MAOA: variants seen among roughly 807,000 people sequenced by gnomAD.
MAOA encodes the protein monoamine oxidase A.
A neutral mutation model predicts 42.0 loss-of-function variants in MAOA; 6 were observed. The observed-to-expected ratio is 0.14, with a 90% CI of 0.08 to 0.28. MAOA has a LOEUF of 0.28. Ranked by LOEUF, MAOA falls within the 10% of genes least tolerant of loss-of-function variation. The probability of loss-of-function intolerance (pLI) is 1.00; values close to 1 mark genes in which losing one functional copy is unlikely to be tolerated. For synonymous variants in MAOA, 140 were observed against 154.0 expected (o/e 0.91, Z 0.67); for missense variants, 262 against 422.3 (o/e 0.62, Z 3.33).
chrX:43,687,760 C>T (rs2033498562), intron 2 of MAOA, among the ~76,000 whole-genome samples: 1 of 112,526 alleles, frequency 8.9e-6, no homozygotes, highest in South Asian at 3.6e-4. Context: ...TCCAGCTGCC[C>T]ATGTTAGAAG....
chrX:43,683,133 A>G (rs923313909), intron 1 of MAOA, among the ~76,000 whole-genome samples: 2 of 111,938 alleles, frequency 1.8e-5, no homozygotes, highest in Non-Finnish European at 3.8e-5. Context: ...AGGAAGTTTT[A>G]AAGAAAATAG....
chrX:43,727,790 T>C (rs1022143207), intron 5 of MAOA, among the ~76,000 whole-genome samples: 1 of 112,272 alleles, frequency 8.9e-6, no homozygotes, highest in Non-Finnish European at 1.9e-5. Flanking sequence ...GGCGATGCCC[T>C]GCCCTGCTTC....
In MAOA at chrX:43,741,967, G is replaced by A; in HGVS notation, c.1182G>A (p.Glu394=). Residue 394 remains glutamate (E), a synonymous_variant, in exon 12 of 15, where the codon GAG becomes GAA. Transcript: ENST00000338702. ...AACTGCAGCCAGTGCATTATGAAGA[G>A]AAGAACTGGTGTGAGGAGCAGTACT... The part of the protein sequence containing the change: ...QEALHPVHYE[E]KNWCEEQYSG... 2 of 1,211,857 alleles carry A rather than the reference G, an allele frequency of 1.7e-6. No homozygotes were observed. Among genetic ancestry groups the A allele is most frequent in the Non-Finnish European group, 2.2e-6 (2 of 895,511 alleles).
intron 1 of MAOA, among the ~76,000 whole-genome samples, chrX:43,670,752 C>T (rs906126188): frequency 5.5e-5 from 6 of 109,039 alleles, no homozygotes; most frequent in African/African-American, 2.0e-4. Context: ...CCAATTTCAT[C>T]CATGTCCCTA....
chrX:43,732,612 A>G (rs1442952003), intron 8 of MAOA, 87 bp from the exon 9 acceptor site: 1 of 665,866 alleles, frequency 1.5e-6, no homozygotes, highest in Non-Finnish European at 2.5e-6. Flanking sequence ...ACTTCCTCTT[A>G]AAAAATAGTT....
chrX:43,739,986 C>T (rs1231072215), intron 10 of MAOA, among the ~76,000 whole-genome samples: 1 of 112,093 alleles, frequency 8.9e-6, no homozygotes, highest in Non-Finnish European at 1.9e-5. Context: ...CTAACTTTTT[C>T]AGACATGAAA....
intron 6 of MAOA, among the ~76,000 whole-genome samples, chrX:43,730,487 C>CTTTTTTTTTT (rs1232538202): frequency 1.2e-5 from 1 of 84,792 alleles, no homozygotes; most frequent in Admixed American, 1.4e-4. Flanking sequence ...TATTCCGAAT[C>CTTTTTTTTTT]TTTTTTTTTT....
At chrX:43,737,246 TGTGG>T (rs1406236283) in intron 10 of MAOA, among the ~76,000 whole-genome samples, 1 of 110,682 alleles carries the variant, frequency 9.0e-6, no homozygotes, top group Non-Finnish European at 1.9e-5. Context: ...ACCATGAGAT[TGTGG>T]AATCTCATGG....
At chrX:43,704,656 T>TA (rs199672152) in intron 3 of MAOA, among the ~76,000 whole-genome samples, 42 of 98,493 alleles carry the variant, frequency 4.3e-4, no homozygotes, top group African/African-American at 1.2e-3. Flanking sequence ...AGGCAAGAAA[T>TA]AAAAAAAAAA....
chrX:43,694,854 AGT>A (rs1449510654), intron 3 of MAOA, among the ~76,000 whole-genome samples: 4 of 112,223 alleles, frequency 3.6e-5, no homozygotes, highest in Admixed American at 1.9e-4. Flanking sequence ...GAAGCAAATG[AGT>A]GTGATGATTA....
At position 43,736,240 on chromosome X, in the gene MAOA, C is replaced by T. The variant is rs1182312989; in HGVS notation, c.1066C>T (p.Arg356Trp). 5 of 1,196,959 alleles carry T rather than the reference C, an allele frequency of 4.2e-6. No individual in the cohort carries two copies. The highest frequency in any genetic ancestry group is 2.2e-5 in the Admixed American group (1 of 45,739). Residue 356 changes from arginine (R) to tryptophan (W), a missense_variant, in exon 10 of 15, where the codon CGG becomes TGG. Arg to Trp is a moderately radical substitution (Grantham distance 101). Transcript: ENST00000338702. ...LPAIMGFILA[R>W]KADRLAKLHK... ...CTCTCTCTCCAGCTTCATTCTTGCC[C>T]GGAAAGCTGATCGACTTGCTAAGCT...
At chrX:43,658,146 T>C (rs2033201127) in intron 1 of MAOA, among the ~76,000 whole-genome samples, 1 of 111,743 alleles carries the variant, frequency 8.9e-6, no homozygotes, top group Admixed American at 9.5e-5. Flanking sequence ...AAAATAAATA[T>C]GATGACAATG....
intron 10 of MAOA, among the ~76,000 whole-genome samples, chrX:43,737,214 C>T (rs1320432569): frequency 1.8e-5 from 2 of 110,463 alleles, no homozygotes; most frequent in Non-Finnish European, 3.8e-5. Flanking sequence ...GGTTGAATCT[C>T]AACAATCATG....
rs764516141 is a variant in MAOA at position 43,743,847 on chromosome X, C to G, written c.1316C>G (p.Thr439Arg). 6.0e-6 allele frequency: 7 copies of G among 1,171,489 alleles called. No individual in the cohort carries two copies. The Admixed American group carries it at 1.8e-4, about 30-fold the overall frequency. ...TTCTTTGCGGGCACAGAGACTGCCA[C>G]AAAGTGGAGCGGCTACATGGAAGGG... Reference protein sequence around the residue: ...RIFFAGTETATKWSGYMEGAV... With the variant: ...RIFFAGTETARKWSGYMEGAV... Residue 439 changes from threonine (T) to arginine (R), a missense_variant, in exon 13 of 15, where the codon ACA becomes AGA. Coordinates refer to ENST00000338702, the MANE Select transcript of MAOA (RefSeq NM_000240.4).
chrX:43,708,987 A>G (rs774779752), intron 3 of MAOA, among the ~76,000 whole-genome samples: 2 of 108,726 alleles, frequency 1.8e-5, no homozygotes, highest in African/African-American at 6.7e-5. Flanking sequence ...CAGCCTCCCA[A>G]GTAGTTGGGA....
At chrX:43,676,371 G>A (rs1213187948) in intron 1 of MAOA, among the ~76,000 whole-genome samples, 1 of 111,775 alleles carries the variant, frequency 8.9e-6, no homozygotes, top group African/African-American at 3.2e-5. Flanking sequence ...ACTAGGAAAG[G>A]GAACTCCCTG....
chrX:43,655,910 G>A (rs2033174693), upstream of MAOA: 2 of 179,945 alleles, frequency 1.1e-5, no homozygotes, highest in South Asian at 1.0e-4. Flanking sequence ...CATTTCCCCA[G>A]TGTCGCCACA....
chrX:43,736,334 T>C (rs1473447965), intron 10 of MAOA, 54 bp downstream of exon 10: 3 of 817,537 alleles, frequency 3.7e-6, no homozygotes, highest in Non-Finnish European at 5.4e-6. Context: ...TATTTTGTTT[T>C]TGCACTGACA....
rs2033984087 is a variant in MAOA at position 43,744,414 on chromosome X, G to T, written c.1485G>T (p.Leu495=). The change falls in exon 15 of 15, where the codon CTG becomes CTT. Residue 495 remains leucine (L), a synonymous_variant. Transcript: ENST00000338702. ...CCCACACCTTCTGGGAAAGGAACCT[G>T]CCCTCTGTTTCTGGCCTGCTGAAGA... ...EITHTFWERN[L]PSVSGLLKII... is the part of the protein sequence containing the mutation. 1 of 1,210,069 alleles carries T rather than the reference G, an allele frequency of 8.3e-7. No individual in the cohort carries two copies. Among genetic ancestry groups the T allele is most frequent in the African/African-American group, 1.7e-5 (1 of 57,590 alleles).
Sources: gnomAD v4.1 joint callset for allele counts (sites outside exome capture counted in the v4.1 genomes callset) on GRCh38, gnomAD v4.1.1 for gene constraint, MANE v1.5 for transcripts, NCBI Gene and HGNC (gene_info 2026-07-23, HGNC 2026-07-21) for gene names.